Variants in PLXNA1 observed in about 807,000 individuals in gnomAD.
The protein encoded by PLXNA1 is plexin A1.
A neutral mutation model predicts 191.7 loss-of-function variants in PLXNA1; 77 were observed. The observed-to-expected ratio is 0.40, with a 90% CI of 0.33 to 0.49. The LOEUF (loss-of-function observed/expected upper bound fraction) is 0.49, where lower values mean the gene tolerates loss of function less well. PLXNA1 is among the 20% of genes least tolerant of loss of function. The pLI, the probability that PLXNA1 is intolerant of heterozygous loss-of-function variation, is 0.63. For missense variants in PLXNA1, 2,110 were observed against 2,660.2 expected (o/e 0.79, Z 4.55); for synonymous variants, 1,137 against 1,156.4 (o/e 0.98, Z 0.34).
chr3:126,989,541 C>T lies in PLXNA1; in HGVS notation c.948C>T (p.Tyr316=), dbSNP rs748261447. 11 of 1,613,286 alleles carry T rather than the reference C, an allele frequency of 6.8e-6. No homozygotes were observed. The highest frequency in any genetic ancestry group is 7.6e-6 in the Non-Finnish European group (9 of 1,180,042). ...AGTACCGCCTGGTGCAGGATGCCTA[C>T]CTGAGCCGGCCCGGCCGTGCCCTGG... ...GVEYRLVQDA[Y]LSRPGRALAH... Residue 316 remains tyrosine, a synonymous_variant, in exon 2 of 32, where the codon TAC becomes TAT. Transcript: ENST00000393409.
At chr3:127,011,077 C>T (rs1424231319) in intron 9 of PLXNA1, among the ~76,000 whole-genome samples, 5 of 152,210 alleles carry the variant, frequency 3.3e-5, no homozygotes, top group African/African-American at 4.8e-5. Flanking sequence ...ACTGGGCGCG[C>T]CTCAGACTGC....
chr3:127,034,156 C>G lies in PLXNA1; in HGVS notation c.*139C>G. On this transcript the variant is annotated 3_prime_UTR_variant, in exon 32 of 32. Transcript: ENST00000393409. ...CAGCGACTGCCCGGCCCTCCCTCCC[C>G]TGCCTCACCCGGTCGGGTCCCGGCT... 1.4e-6 allele frequency: 1 copy of G among 721,974 alleles called. No individual in the cohort carries two copies. The highest frequency in any genetic ancestry group is 2.3e-6 in the Non-Finnish European group (1 of 440,098). The allele number at this position is 721,974 out of a possible 1,614,324, so 44.7% of individuals were successfully genotyped here.
intron 23 of PLXNA1, 61 bp from the exon 24 acceptor site, chr3:127,027,879 G>A (rs745525885): frequency 6.2e-7 from 1 of 1,605,616 alleles, no homozygotes; most frequent in Non-Finnish European, 8.5e-7. Context: ...GACGGGTGGA[G>A]GGGCAGGTTG....
At chr3:127,017,201 C>T (rs1176960763) in intron 17 of PLXNA1, among the ~76,000 whole-genome samples, 164 bp downstream of exon 17, 1 of 152,214 alleles carries the variant, frequency 6.6e-6, no homozygotes, top group African/African-American at 2.4e-5. Flanking sequence ...ACCTGTCCTG[C>T]CTGGCGGGTA....
intron 3 of PLXNA1, among the ~76,000 whole-genome samples, chr3:127,002,743 C>T (rs765896522): frequency 1.4e-4 from 21 of 152,232 alleles, no homozygotes; most frequent in Non-Finnish European, 2.4e-4. Flanking sequence ...TCGTGAGCTG[C>T]GGAGAAGAGC....
intron 20 of PLXNA1, among the ~76,000 whole-genome samples, chr3:127,019,046 A>T (rs1366274573): frequency 6.6e-6 from 1 of 152,188 alleles, no homozygotes; most frequent in African/African-American, 2.4e-5. Context: ...AGGGGGAGTC[A>T]TGCCACACCA....
chr3:127,028,488 C>T (rs1432784472), intron 25 of PLXNA1, 148 bp downstream of exon 25: 2 of 904,514 alleles, frequency 2.2e-6, no homozygotes, highest in East Asian at 2.7e-5. Context: ...GTGGGCTGTC[C>T]AGTCCCAGGT....
intron 1 of PLXNA1, among the ~76,000 whole-genome samples, chr3:126,985,031 C>T (rs2078951576): frequency 6.6e-6 from 1 of 152,198 alleles, no homozygotes; most frequent in African/African-American, 2.4e-5. Context: ...TCCCCCCCGG[C>T]TGCTGTTGTG....
At chr3:127,017,716 T>C (rs772395487) in intron 18 of PLXNA1, 33 bp from the exon 19 acceptor site, 3 of 1,613,134 alleles carry the variant, frequency 1.9e-6, no homozygotes, top group South Asian at 2.2e-5. Flanking sequence ...AGGCCCCTCG[T>C]CCTGGGCTCT....
Position 127,029,884 on chromosome 3 carries a change from G to C in PLXNA1, c.4881G>C (p.Leu1627=). ...AGCCTGGTGCTGCAGAGAGCATGCTGCGCACGGCCAGCAGCCCCGACAGCC... is the reference window on the plus strand; with the variant it reads ...AGCCTGGTGCTGCAGAGAGCATGCTCCGCACGGCCAGCAGCCCCGACAGCC... ...TKSLSRYESM[L]RTASSPDSLR... The change falls in exon 28 of 32, where the codon CTG becomes CTC. Residue 1627 remains leucine (L), a synonymous_variant. Coordinates refer to ENST00000393409, the MANE Select transcript of PLXNA1 (RefSeq NM_032242.4). 1 of 1,609,356 alleles carries C rather than the reference G, an allele frequency of 6.2e-7. No individual in the cohort carries two copies.
chr3:127,018,336 G>A lies in PLXNA1; in HGVS notation c.3703G>A (p.Val1235Met), dbSNP rs776148514. 6.2e-7 allele frequency: 1 copy of A among 1,612,502 alleles called. No homozygotes were observed. The highest frequency in any genetic ancestry group is 1.3e-5 in the African/African-American group (1 of 75,050). ...GFEFSPGTLQ[V>M]YSDSLLTLPA... Reference sequence around the variant, plus strand: ...CGAGTTCTCGCCAGGGACACTGCAGGTGTACTCGGACAGCCTGCTGACGCT... The same window carrying A: ...CGAGTTCTCGCCAGGGACACTGCAGATGTACTCGGACAGCCTGCTGACGCT... The change falls in exon 20 of 32, where the codon GTG (valine) becomes ATG (methionine). Residue 1235 changes from valine (V) to methionine (M), a missense_variant. Val to Met is a conservative substitution (Grantham distance 21). This residue lies in a region of PLXNA1 where 644 missense variants were observed against 714.3 expected (regional missense o/e 0.90). Transcript: ENST00000393409.
intron 23 of PLXNA1, chr3:127,026,640 G>C (rs543117832): frequency 1.3e-5 from 2 of 152,352 alleles, no homozygotes; most frequent in Non-Finnish European, 2.9e-5. Context: ...CATGTTGTTG[G>C]AAGGTCTGGG....
Position 127,037,252 on chromosome 3 carries a change from G to T in PLXNA1, c.*3235G>T, listed in dbSNP as rs1344231614. On this transcript the variant is annotated 3_prime_UTR_variant, in exon 32 of 32. Transcript: ENST00000393409. ...GCGGGCACCCTCAGCCGGGCTCTTTGCAGAAGCAGCACCGCTGACTGTGGG... is the reference window on the plus strand; with the variant it reads ...GCGGGCACCCTCAGCCGGGCTCTTTTCAGAAGCAGCACCGCTGACTGTGGG... 6.6e-6 allele frequency: 1 copy of T among 152,650 alleles called. No individual in the cohort carries two copies. Among genetic ancestry groups the T allele is most frequent in the Non-Finnish European group, 1.5e-5 (1 of 68,050 alleles). The allele number at this position is 152,650 out of a possible 1,614,324, so 9.5% of individuals were successfully genotyped here.
chr3:127,015,934 C>T (rs1351606194), intron 15 of PLXNA1, among the ~76,000 whole-genome samples: 3 of 152,152 alleles, frequency 2.0e-5, no homozygotes, highest in Non-Finnish European at 2.9e-5. Context: ...GGGGATAGGG[C>T]GAGGTATTCC....
chr3:127,011,917 G>A (rs1453853510), intron 9 of PLXNA1, 41 bp from the exon 10 acceptor site: 4 of 1,583,524 alleles, frequency 2.5e-6, no homozygotes, highest in Non-Finnish European at 3.5e-6. Flanking sequence ...TTGCTCACTG[G>A]TCTCCGCCCC....
chr3:126,989,134 G>C lies in PLXNA1; in HGVS notation c.541G>C (p.Gly181Arg). 6.2e-7 allele frequency: 1 copy of C among 1,613,298 alleles called. No individual in the cohort carries two copies. The highest frequency in any genetic ancestry group is 8.5e-7 in the Non-Finnish European group (1 of 1,180,032). ...GCTCATTGCCGGGCCACCGGGCCAG[G>C]GCCAGGCCAAGCTCTTCGTGGGCAC... ...GVLIAGPPGQ[G>R]QAKLFVGTPI... The change falls in exon 2 of 32, where the codon GGC (glycine) becomes CGC (arginine). Residue 181 changes from glycine (G) to arginine (R), a missense_variant. Physicochemically the swap from Gly to Arg is moderately radical, Grantham distance 125. Around this residue, in one of 4 missense-constraint regions of PLXNA1, gnomAD observed 903 missense variants for 1,015.7 expected, o/e 0.89. Coordinates refer to ENST00000393409, the MANE Select transcript of PLXNA1 (RefSeq NM_032242.4).
intron 3 of PLXNA1, among the ~76,000 whole-genome samples, chr3:126,996,246 GC>G (rs1047553602): frequency 6.6e-6 from 1 of 152,148 alleles, no homozygotes; most frequent in African/African-American, 2.4e-5. Context: ...CCTCCGCCCG[GC>G]CATCTTCCTC....
At chr3:127,000,023 G>A (rs2079032571) in intron 3 of PLXNA1, among the ~76,000 whole-genome samples, 2 of 152,030 alleles carry the variant, frequency 1.3e-5, no homozygotes, top group Admixed American at 1.3e-4. Flanking sequence ...GGTGGGTGGG[G>A]GCCTGGTGCA....
Position 127,032,600 on chromosome 3 carries a change from G to A in PLXNA1, c.5444+1G>A. The A allele has an allele frequency of 6.2e-7, 1 of 1,613,124 alleles. No homozygotes were observed. The highest frequency in any genetic ancestry group is 8.5e-7 in the Non-Finnish European group (1 of 1,179,614). Reference sequence around the variant, plus strand: ...CCAACTACAAGAGCTGGGTGGAGAGGTAGGTGGAGGGTGCAGGGGTCGGGG... The same window carrying A: ...CCAACTACAAGAGCTGGGTGGAGAGATAGGTGGAGGGTGCAGGGGTCGGGG... On this transcript the variant is annotated splice_donor_variant, in intron 30 of 31. Coordinates refer to ENST00000393409, the MANE Select transcript of PLXNA1 (RefSeq NM_032242.4). LOFTEE classifies it high-confidence loss of function.
Sources: gnomAD v4.1 joint callset for allele counts (sites outside exome capture counted in the v4.1 genomes callset) on GRCh38, gnomAD v4.1.1 for gene constraint, gnomAD v4.1.1 regional missense constraint, MANE v1.5 for transcripts, NCBI Gene and HGNC (gene_info 2026-07-23, HGNC 2026-07-21) for gene names.